TTLL3: variants seen among roughly 807,000 people sequenced by gnomAD.
The protein encoded by TTLL3 is tubulin tyrosine ligase like 3.
In TTLL3, 63 loss-of-function variants were observed where a neutral mutation model predicts 75.2. That is an observed-to-expected ratio of 0.84 (90% CI 0.68 to 1.03). TTLL3 has a LOEUF of 1.03. Among genes scored for constraint, TTLL3 ranks in the 50% least tolerant of loss-of-function variants. TTLL3 has a pLI of 0.00. For missense variants in TTLL3, 997 were observed against 1,069.9 expected (o/e 0.93, Z 0.95); for synonymous variants, 393 against 418.5 (o/e 0.94, Z 0.74).
In TTLL3 at chr3:9,810,558, C is replaced by A; in HGVS notation, c.-41-63C>A. On this transcript the variant is annotated intron_variant, in intron 1 of 13. Transcript: ENST00000685419. This position sits in a 1 kb window ranked among gnomAD's most constrained non-coding sequence, Gnocchi z 4.4. ...GTGGCTATGGGCGGCCAGAAAAGAT[C>A]CTAGGCCGAGACCCTAGGCCCAGCC... is the stretch of plus-strand genomic sequence containing the variant. 7.3e-6 allele frequency: 11 copies of A among 1,515,686 alleles called. No homozygotes were observed. In the East Asian group the frequency reaches 2.3e-4, roughly 31 times the overall value. The allele number at this position is 1,515,686 out of a possible 1,614,324, so 93.9% of individuals were successfully genotyped here. A position where few individuals can be genotyped will look rare whatever the true frequency, so the allele number is the denominator to read the frequency against.
In TTLL3 at chr3:9,818,825, A is replaced by T. The variant is rs769367240; in HGVS notation, c.563A>T (p.Asp188Val). The T allele has an allele frequency of 2.5e-6, 4 of 1,614,046 alleles. No individual in the cohort carries two copies. In the Admixed American group the frequency reaches 6.7e-5, roughly 27 times the overall value. The change falls in exon 7 of 14, where the codon GAC becomes GTC. Residue 188 changes from aspartate to valine, a missense_variant. Transcript: ENST00000685419. ...AEDDKKAFIE[D>V]FWLTAARNVL... ...GTATCCCCTGGCCTGGGAGCAGAGG[A>T]CTTCTGGCTGACTGCTGCCCGCAAC... is the stretch of plus-strand genomic sequence containing the variant.
In TTLL3 at chr3:9,822,964, C is replaced by T. The variant is rs2080622282; in HGVS notation, c.854+2223C>T. On this transcript the variant is annotated intron_variant, in intron 8 of 13. Coordinates refer to ENST00000685419, the MANE Select transcript of TTLL3 (RefSeq NM_001387446.1). ...CTCAACTTTTTAAAAAAAACAATTC[C>T]ACTTGGGGCGGTGGCTTATGCCTAT... Among the ~76,000 whole-genome samples the T allele has an allele frequency of 1.1e-4, 16 of 150,662 alleles. No homozygotes were observed. In the South Asian group the frequency reaches 3.4e-3, roughly 32 times the overall value.
At chr3:9,819,463 C>T (rs1034577693) in intron 7 of TTLL3, 2 of 989,670 alleles carry the variant, frequency 2.0e-6, no homozygotes, top group Non-Finnish European at 2.4e-6. Context: ...CTGGAGAGGG[C>T]AGACTAAGAA....
Position 9,810,553 on chromosome 3 carries a change from A to G in TTLL3, c.-41-68A>G, listed in dbSNP as rs2079253177. ...GAGGCGTGGCTATGGGCGGCCAGAAAAGATCCTAGGCCGAGACCCTAGGCC... is the reference window on the plus strand; with the variant it reads ...GAGGCGTGGCTATGGGCGGCCAGAAGAGATCCTAGGCCGAGACCCTAGGCC... On this transcript the variant is annotated intron_variant, in intron 1 of 13. Coordinates refer to ENST00000685419, the MANE Select transcript of TTLL3 (RefSeq NM_001387446.1). This position sits in a 1 kb window ranked among gnomAD's most constrained non-coding sequence, Gnocchi z 4.4. 8 of 1,494,542 alleles carry G rather than the reference A, an allele frequency of 5.4e-6. No homozygotes were observed. The highest frequency in any genetic ancestry group is 7.1e-6 in the Non-Finnish European group (8 of 1,119,156). The allele number at this position is 1,494,542 out of a possible 1,614,324, so 92.6% of individuals were successfully genotyped here.
intron 8 of TTLL3, 62 bp from the exon 9 acceptor site, chr3:9,825,738 C>T: frequency 1.9e-6 from 3 of 1,613,650 alleles, no homozygotes; most frequent in Non-Finnish European, 2.5e-6. Flanking sequence ...ATATCTCCCC[C>T]TGCCCTCTCC....
intron 7 of TTLL3, 117 bp downstream of exon 7, chr3:9,819,037 A>G (rs2080164532): frequency 7.5e-7 from 1 of 1,338,218 alleles, no homozygotes; most frequent in East Asian, 2.4e-5. Flanking sequence ...TCATCCACAC[A>G]TCTGTGTATG....
Position 9,827,217 on chromosome 3 carries a change from C to T in TTLL3, c.1224C>T (p.Pro408=), listed in dbSNP as rs758250473. Residue 408 remains proline (P), a synonymous_variant, in exon 10 of 14, where the codon CCC becomes CCT. Coordinates refer to ENST00000685419, the MANE Select transcript of TTLL3 (RefSeq NM_001387446.1). ...GCTATATCCGCTTTTCCACGCAGCC[C>T]TTCTCCCTGAAGAACCTGGACAAGT... ...RDSYIRFSTQ[P]FSLKNLDNSV... 2.5e-6 allele frequency: 4 copies of T among 1,614,178 alleles called. No homozygotes were observed. In the East Asian group the frequency reaches 6.7e-5, roughly 27 times the overall value.
At position 9,835,219 on chromosome 3, in the gene TTLL3, C is replaced by A. The variant is rs1042203779; in HGVS notation, c.2178C>A (p.Asp726Glu). The change falls in exon 14 of 14, where the codon GAC (aspartate) becomes GAA (glutamate). Residue 726 changes from aspartate (D) to glutamate (E), a missense_variant. By Grantham distance (45) the Asp-to-Glu change is conservative (BLOSUM62 2). Transcript: ENST00000685419. ...RSRPKANSRP[D>E]CDKPRAEACP... ...GGCCAAAGGCAAATTCAAGGCCAGA[C>A]TGTGACAAACCCAGGGCTGAGGCCT... The A allele has an allele frequency of 3.1e-6, 5 of 1,614,092 alleles. No homozygotes were observed. The African/African-American group carries it at 5.3e-5, about 17-fold the overall frequency.
At chr3:9,809,921 A>C, upstream of TTLL3, 1 of 160,560 alleles carries the variant, frequency 6.2e-6, no homozygotes, top group Non-Finnish European at 9.4e-6. Context: ...GCTCGAGCCT[A>C]GGCAGGAACT....
In TTLL3 at chr3:9,835,547, T is replaced by C. The variant is rs1400451604; in HGVS notation, c.*58T>C. On this transcript the variant is annotated 3_prime_UTR_variant, in exon 14 of 14. Coordinates refer to ENST00000685419, the MANE Select transcript of TTLL3 (RefSeq NM_001387446.1). The stretch of plus-strand genomic sequence containing the variant: ...CAGAATTCCCACCTAAGGACAGACA[T>C]GGGGCTTCCTATTTAGGGACTCCCC... 1 of 1,489,386 alleles carries C rather than the reference T, an allele frequency of 6.7e-7. No individual in the cohort carries two copies. Among genetic ancestry groups the C allele is most frequent in the East Asian group, 2.3e-5 (1 of 43,848 alleles). The allele number at this position is 1,489,386 out of a possible 1,614,324, so 92.3% of individuals were successfully genotyped here.
At chr3:9,834,290 C>G (rs2081879198) in intron 12 of TTLL3, 1 of 448,860 alleles carries the variant, frequency 2.2e-6, no homozygotes, top group Admixed American at 2.4e-5. Context: ...CTGCCTTTGC[C>G]TTCAAGCAGT....
In TTLL3 at chr3:9,813,111, G is replaced by A. The variant is rs2079501630; in HGVS notation, c.217G>A (p.Glu73Lys). The A allele has an allele frequency of 6.3e-7, 1 of 1,584,146 alleles. No individual in the cohort carries two copies. The highest frequency in any genetic ancestry group is 1.3e-5 in the African/African-American group (1 of 74,230). ...AMGDSDTTEDEDEDEDEEFQP... is the reference protein window; with the variant it reads ...AMGDSDTTEDKDEDEDEEFQP... ...GGGTGACAGTGACACCACTGAGGAT[G>A]GTGAGTGGTTCCTTCCCTTTCCACA... Residue 73 changes from glutamate to lysine, a missense_variant and splice_region_variant, in exon 3 of 14, where the codon GAG (glutamate) becomes AAG (lysine). Glu to Lys is a moderately conservative substitution (Grantham distance 56). Coordinates refer to ENST00000685419, the MANE Select transcript of TTLL3 (RefSeq NM_001387446.1).
chr3:9,825,734 C>G (rs2080974540), intron 8 of TTLL3, 66 bp from the exon 9 acceptor site: 1 of 1,613,218 alleles, frequency 6.2e-7, no homozygotes, highest in African/African-American at 1.3e-5. Flanking sequence ...GAATATATCT[C>G]CCCCTGCCCT....
intron 10 of TTLL3, 98 bp from the exon 11 acceptor site, chr3:9,828,862 G>GC: frequency 6.7e-7 from 1 of 1,490,426 alleles, no homozygotes; most frequent in Non-Finnish European, 9.1e-7. Context: ...AATAGTGCAG[G>GC]GTGGCCCAGG....
At position 9,834,701 on chromosome 3, in the gene TTLL3, C is replaced by G; in HGVS notation, c.1846C>G (p.Leu616Val). 6.2e-7 allele frequency: 1 copy of G among 1,614,208 alleles called. No individual in the cohort carries two copies. The highest frequency in any genetic ancestry group is 8.5e-7 in the Non-Finnish European group (1 of 1,180,044). The change falls in exon 13 of 14, where the codon CTC (leucine) becomes GTC (valine). Residue 616 changes from leucine (L) to valine (V), a missense_variant. Coordinates refer to ENST00000685419, the MANE Select transcript of TTLL3 (RefSeq NM_001387446.1). ...CACAGCCCGTCACCACTTCCCCAGC[C>G]TCCACACCAAGGCCCAGCTGCCTTC... is the stretch of plus-strand genomic sequence containing the variant. ...SGEARHHFPSLHTKAQLPSPH... is the reference protein window; with the variant it reads ...SGEARHHFPSVHTKAQLPSPH...
chr3:9,810,282 C>T lies in TTLL3; in HGVS notation c.-154C>T, dbSNP rs1173988754. 1 of 1,504,142 alleles carries T rather than the reference C, an allele frequency of 6.6e-7. No individual in the cohort carries two copies. Among genetic ancestry groups the T allele is most frequent in the Non-Finnish European group, 8.8e-7 (1 of 1,135,630 alleles). 93.2% of individuals were successfully genotyped at this position (1,504,142 alleles called of 1,614,324 possible). A position where few individuals can be genotyped will look rare whatever the true frequency, so the allele number is the denominator to read the frequency against. On this transcript the variant is annotated 5_prime_UTR_variant, in exon 1 of 14. Coordinates refer to ENST00000685419, the MANE Select transcript of TTLL3 (RefSeq NM_001387446.1). The surrounding 1 kb of genome is among the most constrained non-coding windows in gnomAD (Gnocchi z 4.4). The stretch of plus-strand genomic sequence containing the variant: ...CGGGCAGCCCCGCCCCTGCGCGCCG[C>T]CTCAGCGGCGCCTTCAAGACGCTGG...
Position 9,810,385 on chromosome 3 carries a change from C to T in TTLL3, c.-51C>T, listed in dbSNP as rs1426229053. The T allele has an allele frequency of 7.1e-7, 1 of 1,413,624 alleles. No individual in the cohort carries two copies. The highest frequency in any genetic ancestry group is 2.8e-5 in the East Asian group (1 of 35,366). 87.6% of individuals were successfully genotyped at this position (1,413,624 alleles called of 1,614,324 possible). ...GCACACCCCGGTCCTCGACCCCTCT[C>T]CGCAGGATGGTGAGGCCCGTGCGGC... On this transcript the variant is annotated 5_prime_UTR_variant, in exon 1 of 14. Coordinates refer to ENST00000685419, the MANE Select transcript of TTLL3 (RefSeq NM_001387446.1). The surrounding 1 kb of genome is among the most constrained non-coding windows in gnomAD (Gnocchi z 4.4).
At chr3:9,820,850 C>T in intron 8 of TTLL3, 109 bp downstream of exon 8, 2 of 1,480,230 alleles carry the variant, frequency 1.4e-6, no homozygotes, top group Non-Finnish European at 9.0e-7. Flanking sequence ...CTCGTTTACC[C>T]CGCTGTTCTG....
intron 2 of TTLL3, among the ~76,000 whole-genome samples, chr3:9,811,214 C>G (rs1267331984): frequency 6.6e-6 from 1 of 152,156 alleles, no homozygotes; most frequent in African/African-American, 2.4e-5. Context: ...CTCTCCGTGC[C>G]CCTTCCAGCC....
Sources: allele counts gnomAD v4.1 joint callset (sites outside exome capture counted in the v4.1 genomes callset), GRCh38; gene constraint gnomAD v4.1.1; non-coding constraint Gnocchi (gnomAD v3.1); transcripts MANE v1.5; gene names NCBI Gene and HGNC (gene_info 2026-07-23, HGNC 2026-07-21).